Variants in TRIM36 observed in about 807,000 individuals in gnomAD.
The protein encoded by TRIM36 is E3 ubiquitin-protein ligase TRIM36.
Under a neutral mutation model 72.4 loss-of-function variants are expected in TRIM36, and 42 were observed. The ratio of observed to expected loss-of-function variants is 0.58; its 90% CI spans 0.45 to 0.75. The LOEUF (loss-of-function observed/expected upper bound fraction) is 0.75, where lower values mean the gene tolerates loss of function less well. Among genes scored for constraint, TRIM36 ranks in the 30% least tolerant of loss-of-function variants. TRIM36 has a pLI of 0.00. For synonymous variants in TRIM36, 315 were observed against 282.8 expected (o/e 1.11, Z -1.14); for missense variants, 913 against 857.1 (o/e 1.07, Z -0.81).
chr5:115,129,325 G>A (rs1211027938), intron 9 of TRIM36, among the ~76,000 whole-genome samples: 1 of 152,208 alleles, frequency 6.6e-6, no homozygotes, highest in Non-Finnish European at 1.5e-5. Context: ...CACTTTGGGA[G>A]GCTGAGGCAG....
intron 1 of TRIM36, among the ~76,000 whole-genome samples, chr5:115,179,245 G>A (rs1295627673): frequency 1.3e-5 from 2 of 152,002 alleles, no homozygotes; most frequent in Non-Finnish European, 2.9e-5. Flanking sequence ...CTCCCGCACT[G>A]ACTCAGGCCC....
chr5:115,170,291 G>GCCCTGGC (rs950857748), upstream of TRIM36, among the ~76,000 whole-genome samples: 26 of 152,326 alleles, frequency 1.7e-4, no homozygotes, highest in African/African-American at 4.8e-4. Flanking sequence ...GCCGGCTGCA[G>GCCCTGGC]CCCTGGCCCC....
In TRIM36 at chr5:115,125,257, A is replaced by T. The variant is rs1224106491; in HGVS notation, c.*1246T>A. On this transcript the variant is annotated 3_prime_UTR_variant, in exon 10 of 10. Transcript: ENST00000513154. Reference sequence around the variant, plus strand: ...AGTTTCTGAATATTTTAACCTCAAAAAAATAAGTACTTTAAATAAAAACCA... The same window carrying T: ...AGTTTCTGAATATTTTAACCTCAAATAAATAAGTACTTTAAATAAAAACCA... The T allele has an allele frequency of 2.0e-5, 3 of 152,172 alleles. No individual in the cohort carries two copies. The highest frequency in any genetic ancestry group is 4.8e-5 in the African/African-American group (2 of 41,462). The allele number at this position is 152,172 out of a possible 1,614,324, so 9.4% of individuals were successfully genotyped here.
intron 2 of TRIM36, among the ~76,000 whole-genome samples, chr5:115,151,517 C>G (rs1252394515): frequency 6.6e-6 from 1 of 152,306 alleles, no homozygotes; most frequent in Admixed American, 6.5e-5. Flanking sequence ...TGTTCCTCCC[C>G]CTACCACCAC....
Position 115,169,394 on chromosome 5 carries a change from C to A in TRIM36, c.27+214G>T, listed in dbSNP as rs184633953. Among the ~76,000 whole-genome samples, 534 of 152,364 alleles carry A rather than the reference C, an allele frequency of 3.5e-3. 2 individuals carry two copies. Among genetic ancestry groups the A allele is most frequent in the African/African-American group, 0.012 (494 of 41,584 alleles). ...TTGCGCTCTTCTCCGGCCCAGGGGA[C>A]CCCACGTCCGGCTCTCGGGGATAGA... On this transcript the variant is annotated intron_variant, in intron 1 of 9. Transcript: ENST00000513154.
intron 2 of TRIM36, among the ~76,000 whole-genome samples, chr5:115,160,265 T>C (rs920366281): frequency 6.6e-6 from 1 of 152,118 alleles, no homozygotes. Context: ...GAGCCAAAAC[T>C]ACAATATACG....
intron 5 of TRIM36, among the ~76,000 whole-genome samples, chr5:115,137,883 T>C (rs1055245525): frequency 4.6e-5 from 7 of 152,212 alleles, no homozygotes; most frequent in Non-Finnish European, 1.5e-5. Flanking sequence ...TGTAATTTTA[T>C]AATATTGTAC....
intron 9 of TRIM36, among the ~76,000 whole-genome samples, chr5:115,127,106 T>C (rs760711998): frequency 7.2e-5 from 11 of 152,342 alleles, no homozygotes; most frequent in Middle Eastern, 3.4e-3. Flanking sequence ...TAGAAAATCA[T>C]TGATAATTTT....
In TRIM36 at chr5:115,169,702, G is replaced by A; in HGVS notation, c.-68C>T. On this transcript the variant is annotated 5_prime_UTR_variant, in exon 1 of 10. Coordinates refer to ENST00000513154, the MANE Select transcript of TRIM36 (RefSeq NM_001300759.2). ...CACCGGCTACCGAGCGCAGGGTCTG[G>A]TGGGCGGGTCCCTGCGGCGGCCGTG... The A allele has an allele frequency of 6.7e-7, 1 of 1,502,780 alleles. No homozygotes were observed. The highest frequency in any genetic ancestry group is 1.2e-5 in the South Asian group (1 of 80,076). 93.1% of individuals were successfully genotyped at this position (1,502,780 alleles called of 1,614,324 possible).
At chr5:115,147,490 G>A (rs973437757) in intron 2 of TRIM36, 96 bp from the exon 3 acceptor site, 1 of 1,354,198 alleles carries the variant, frequency 7.4e-7, no homozygotes, top group African/African-American at 1.5e-5. Flanking sequence ...ATCTACAAAT[G>A]TATCACAAAA....
At chr5:115,170,547 C>T (rs1230582951), upstream of TRIM36, among the ~76,000 whole-genome samples, 1 of 152,180 alleles carries the variant, frequency 6.6e-6, no homozygotes, top group Non-Finnish European at 1.5e-5. Flanking sequence ...TGGCCCCGCC[C>T]GGCTTGTCCC....
At chr5:115,169,507 C>G in intron 1 of TRIM36, 101 bp downstream of exon 1, 1 of 1,331,880 alleles carries the variant, frequency 7.5e-7, no homozygotes, top group South Asian at 1.4e-5. Flanking sequence ...CTTTGCTCTC[C>G]CGGGAGGAGG....
chr5:115,134,225 A>G, intron 7 of TRIM36, 78 bp from the exon 8 acceptor site: 1 of 1,322,386 alleles, frequency 7.6e-7, no homozygotes, highest in Non-Finnish European at 1.0e-6. Flanking sequence ...ATAAAATGAC[A>G]TATAAACAGT....
At chr5:115,132,300 G>A (rs1409684715) in intron 8 of TRIM36, among the ~76,000 whole-genome samples, 3 of 151,762 alleles carry the variant, frequency 2.0e-5, no homozygotes, top group South Asian at 4.2e-4. Context: ...TTGGGAGGCC[G>A]AGGTGGGTGG....
At chr5:115,160,692 T>A (rs1354193734) in intron 2 of TRIM36, among the ~76,000 whole-genome samples, 2 of 152,104 alleles carry the variant, frequency 1.3e-5, no homozygotes, top group South Asian at 2.1e-4. Flanking sequence ...AATTTTTTAA[T>A]TAGCAGGGTG....
intron 5 of TRIM36, among the ~76,000 whole-genome samples, chr5:115,138,691 G>A (rs545958447): frequency 7.2e-5 from 11 of 152,230 alleles, no homozygotes; most frequent in African/African-American, 2.6e-4. Flanking sequence ...AATGACCCTA[G>A]TGTTTGTTAA....
At chr5:115,138,110 G>T (rs1458140950) in intron 5 of TRIM36, among the ~76,000 whole-genome samples, 1 of 152,054 alleles carries the variant, frequency 6.6e-6, no homozygotes, top group Non-Finnish European at 1.5e-5. Flanking sequence ...AGTTGTTTTT[G>T]TTTTTTTGAG....
intron 3 of TRIM36, among the ~76,000 whole-genome samples, chr5:115,145,868 C>A (rs563087980): frequency 6.6e-6 from 1 of 152,292 alleles, no homozygotes; most frequent in South Asian, 2.1e-4. Flanking sequence ...CAAAGTTTGT[C>A]CATCTGCAAG....
At chr5:115,177,087 C>T (rs1354856487) in intron 1 of TRIM36, 2 of 152,236 alleles carry the variant, frequency 1.3e-5, no homozygotes, top group Non-Finnish European at 2.9e-5. Context: ...TCCCACATTT[C>T]AGAGAACATA....
Sources: allele counts gnomAD v4.1 joint callset (sites outside exome capture counted in the v4.1 genomes callset), GRCh38; gene constraint gnomAD v4.1.1; transcripts MANE v1.5; gene names NCBI Gene and HGNC (gene_info 2026-07-23, HGNC 2026-07-21).